Variants in STAC observed in about 807,000 individuals in gnomAD.
STAC encodes SH3 and cysteine-rich domain-containing protein.
A neutral mutation model predicts 48.8 loss-of-function variants in STAC; 43 were observed. The ratio of observed to expected loss-of-function variants is 0.88; its 90% CI spans 0.69 to 1.14. STAC has a LOEUF of 1.14. Ranked by LOEUF, STAC falls within the 50% of genes most tolerant of loss-of-function variation. The pLI, the probability that STAC is intolerant of heterozygous loss-of-function variation, is 0.00. For missense variants in STAC, 497 were observed against 504.0 expected, an observed-to-expected ratio of 0.99 and a Z score of 0.13; for synonymous variants, 193 against 179.5, an observed-to-expected ratio of 1.07 and a Z score of -0.60.
intron 1 of STAC, among the ~76,000 whole-genome samples, chr3:36,393,529 G>A (rs1296122608): frequency 6.6e-6 from 1 of 151,852 alleles, no homozygotes; most frequent in Non-Finnish European, 1.5e-5. Flanking sequence ...GAATATGTGT[G>A]CCCTCCAAAA....
chr3:36,507,111 T>C (rs1378480915), intron 8 of STAC, among the ~76,000 whole-genome samples: 1 of 152,156 alleles, frequency 6.6e-6, no homozygotes, highest in Admixed American at 6.6e-5. Flanking sequence ...ACTTAGTTTA[T>C]GAGAGTTTTT....
chr3:36,466,565 C>T (rs6786646), intron 2 of STAC, among the ~76,000 whole-genome samples: 21,393 of 152,082 alleles, frequency 0.14, 1,627 homozygotes, highest in African/African-American at 0.17. Context: ...TTTGTGTCAT[C>T]TATGATTTCT....
intron 1 of STAC, among the ~76,000 whole-genome samples, chr3:36,436,615 T>C (rs1700840547): frequency 6.6e-6 from 1 of 152,202 alleles, no homozygotes; most frequent in African/African-American, 2.4e-5. Context: ...CTCTGTTCCA[T>C]TGTCACTGGT....
intron 2 of STAC, among the ~76,000 whole-genome samples, chr3:36,455,873 A>G (rs1175996856): frequency 6.6e-6 from 1 of 152,186 alleles, no homozygotes; most frequent in Non-Finnish European, 1.5e-5. Context: ...ATAGCTTATC[A>G]AACACTATCT....
At chr3:36,409,599 T>A (rs1023138312) in intron 1 of STAC, 1 of 152,212 alleles carries the variant, frequency 6.6e-6, no homozygotes, top group South Asian at 2.1e-4. Context: ...CCTGTAGTGC[T>A]GAGAGCAACA....
rs377255670 is a variant in STAC, at chr3:36,537,290, A to G, written c.1110+8305A>G. Among the ~76,000 whole-genome samples the G allele has an allele frequency of 1.6e-4, 25 of 152,310 alleles. No individual in the cohort carries two copies. In the East Asian group the frequency reaches 2.1e-3, roughly 13 times the overall value. On this transcript the variant is annotated intron_variant, in intron 10 of 10. Coordinates refer to ENST00000273183, the MANE Select transcript of STAC (RefSeq NM_003149.3). ...TCCCAATAGCAAAGACATGGAATCA[A>G]CCCAAATGCCCATCAATGAAAGACT...
chr3:36,382,433 T>C (rs567751443), intron 1 of STAC, among the ~76,000 whole-genome samples: 3 of 152,368 alleles, frequency 2.0e-5, no homozygotes, highest in East Asian at 3.9e-4. Context: ...AAGCCACATA[T>C]GTAATGCCCA....
chr3:36,528,029 A>G (rs1256094536), intron 8 of STAC, among the ~76,000 whole-genome samples: 2 of 152,188 alleles, frequency 1.3e-5, no homozygotes, highest in Non-Finnish European at 2.9e-5. Flanking sequence ...AAATACATGA[A>G]CATATCTATG....
At chr3:36,537,243 C>CAT (rs1699220005) in intron 10 of STAC, among the ~76,000 whole-genome samples, 1 of 152,128 alleles carries the variant, frequency 6.6e-6, no homozygotes, top group Non-Finnish European at 1.5e-5. Flanking sequence ...TAAATGCATG[C>CAT]ATATGTTCAT....
intron 1 of STAC, among the ~76,000 whole-genome samples, chr3:36,416,044 A>G (rs1346884057): frequency 6.6e-6 from 1 of 152,120 alleles, no homozygotes; most frequent in Non-Finnish European, 1.5e-5. Context: ...CCTCTTTCTA[A>G]ATAGGACGTT....
chr3:36,444,021 C>A (rs907694075), intron 2 of STAC, among the ~76,000 whole-genome samples: 1 of 152,188 alleles, frequency 6.6e-6, no homozygotes, highest in African/African-American at 2.4e-5. Flanking sequence ...AAGCCGATGT[C>A]TGTCATATGT....
intron 10 of STAC, among the ~76,000 whole-genome samples, chr3:36,540,680 A>T (rs1163942567): frequency 6.6e-6 from 1 of 152,132 alleles, no homozygotes; most frequent in Non-Finnish European, 1.5e-5. Flanking sequence ...AGCCACAGGG[A>T]GCTGAACGCA....
intron 1 of STAC, among the ~76,000 whole-genome samples, chr3:36,387,447 A>G (rs950539457): frequency 5.9e-5 from 9 of 151,980 alleles, no homozygotes; most frequent in African/African-American, 2.2e-4. Context: ...ATCATCTCCA[A>G]CTGTAACTCT....
intron 10 of STAC, among the ~76,000 whole-genome samples, chr3:36,537,513 G>A (rs918340234): frequency 6.6e-6 from 1 of 152,126 alleles, no homozygotes; most frequent in Non-Finnish European, 1.5e-5. Context: ...TGGACACAGG[G>A]AGGGAACAAC....
intron 5 of STAC, among the ~76,000 whole-genome samples, chr3:36,491,699 G>A (rs75654990): frequency 0.019 from 2,834 of 152,080 alleles, 25 homozygotes; most frequent in Non-Finnish European, 0.021. Context: ...CCGATAAGAT[G>A]TAAATAAATA....
At chr3:36,471,022 A>G (rs1020975548) in intron 2 of STAC, among the ~76,000 whole-genome samples, 1 of 152,186 alleles carries the variant, frequency 6.6e-6, no homozygotes, top group Non-Finnish European at 1.5e-5. Context: ...AGTGCTGTCT[A>G]TAGACCTGTT....
At chr3:36,434,805 G>A (rs1700790625) in intron 1 of STAC, among the ~76,000 whole-genome samples, 1 of 152,186 alleles carries the variant, frequency 6.6e-6, no homozygotes, top group Admixed American at 6.5e-5. Flanking sequence ...GCAATTCTGT[G>A]TTCCAGTGCT....
intron 8 of STAC, among the ~76,000 whole-genome samples, chr3:36,508,273 T>C (rs1008416280): frequency 6.6e-6 from 1 of 152,238 alleles, no homozygotes; most frequent in Non-Finnish European, 1.5e-5. Flanking sequence ...GATTGCACTG[T>C]GGTCTGAGAG....
At chr3:36,387,177 C>T (rs1228738445) in intron 1 of STAC, among the ~76,000 whole-genome samples, 1 of 151,980 alleles carries the variant, frequency 6.6e-6, no homozygotes, top group Non-Finnish European at 1.5e-5. Context: ...TTATTTTTGT[C>T]CACCTTAAGA....
Sources: allele counts gnomAD v4.1 joint callset (sites outside exome capture counted in the v4.1 genomes callset), GRCh38; gene constraint gnomAD v4.1.1; transcripts MANE v1.5; gene names NCBI Gene and HGNC (gene_info 2026-07-23, HGNC 2026-07-21).